Variants in POC1B observed in about 807,000 individuals in gnomAD.
POC1B encodes POC1 centriolar protein B.
In POC1B, 44 loss-of-function variants were observed where a neutral mutation model predicts 60.6. The observed-to-expected ratio is 0.73, with a 90% CI of 0.57 to 0.93. POC1B has a LOEUF of 0.93. Among genes scored for constraint, POC1B ranks in the 40% least tolerant of loss-of-function variants. POC1B has a pLI of 0.00. For synonymous variants in POC1B, 180 were observed against 198.9 expected, an observed-to-expected ratio of 0.90 and a Z score of 0.80; for missense variants, 555 against 572.3, an observed-to-expected ratio of 0.97 and a Z score of 0.31.
chr12:89,500,587 A>C (rs1206296359), intron 2 of POC1B: 1 of 1,603,900 alleles, frequency 6.2e-7, no homozygotes, highest in Non-Finnish European at 8.5e-7. Flanking sequence ...TTTTGGATGC[A>C]AAAACATCTG....
downstream of POC1B, among the ~76,000 whole-genome samples, chr12:89,417,796 C>T (rs1287938804): frequency 6.6e-6 from 1 of 152,176 alleles, no homozygotes; most frequent in Non-Finnish European, 1.5e-5. Flanking sequence ...TTTCCCCTAT[C>T]ACAGATATCC....
chr12:89,457,425 T>G (rs1046574274), intron 10 of POC1B, among the ~76,000 whole-genome samples: 1 of 152,254 alleles, frequency 6.6e-6, no homozygotes, highest in Non-Finnish European at 1.5e-5. Flanking sequence ...TTTGGAGATA[T>G]TCTTTTAAAA....
the POC1B span, among the ~76,000 whole-genome samples, chr12:89,404,003 A>G: frequency 6.6e-6 from 1 of 152,072 alleles, no homozygotes; most frequent in African/African-American, 2.4e-5. Context: ...GTGGTGGCGC[A>G]TGCCTGTAAT....
chr12:89,520,925 C>G (rs946847195), intron 2 of POC1B: 1 of 151,994 alleles, frequency 6.6e-6, no homozygotes, highest in Non-Finnish European at 1.5e-5. Flanking sequence ...GTTTACTTCC[C>G]GAGTAATTTA....
At chr12:89,451,348 A>G (rs145088451) in intron 10 of POC1B, among the ~76,000 whole-genome samples, 301 of 152,364 alleles carry the variant, frequency 2.0e-3, no homozygotes, top group Non-Finnish European at 3.4e-3. Context: ...TGTAGTGGCC[A>G]TCATGATCCT....
At chr12:89,525,524 G>C in intron 1 of POC1B, 1 of 1,307,970 alleles carries the variant, frequency 7.6e-7, no homozygotes, top group East Asian at 3.1e-5. Context: ...AGGCAGGCAG[G>C]TGCGAGGATG....
chr12:89,483,016 C>A (rs1327813026), intron 4 of POC1B, among the ~76,000 whole-genome samples: 3 of 151,654 alleles, frequency 2.0e-5, no homozygotes, highest in Non-Finnish European at 4.4e-5. Context: ...CAGGTTCAAG[C>A]AATTCTCCTG....
chr12:89,426,419 C>G (rs1592576655), intron 10 of POC1B: 1 of 151,930 alleles, frequency 6.6e-6, no homozygotes. Flanking sequence ...TATGTTACCA[C>G]AAGAGAAAAA....
At chr12:89,414,839 T>G (rs1227058788), downstream of POC1B, among the ~76,000 whole-genome samples, 8 of 152,210 alleles carry the variant, frequency 5.3e-5, no homozygotes, top group African/African-American at 1.9e-4. Context: ...ATGCATAGAA[T>G]TCATGGGACT....
intron 4 of POC1B, among the ~76,000 whole-genome samples, chr12:89,489,755 C>G (rs1565746812): frequency 6.6e-6 from 1 of 152,204 alleles, no homozygotes; most frequent in Non-Finnish European, 1.5e-5. Flanking sequence ...CTGCTGACCA[C>G]CTCTGTGCCA....
chr12:89,502,570 T>C, intron 2 of POC1B: 2 of 1,187,832 alleles, frequency 1.7e-6, no homozygotes, highest in Non-Finnish European at 2.5e-6. Context: ...CTCTTGGAGA[T>C]CCTTTGCAGC....
At chr12:89,409,044 C>T in the POC1B span, among the ~76,000 whole-genome samples, 1 of 152,134 alleles carries the variant, frequency 6.6e-6, no homozygotes, top group African/African-American at 2.4e-5. Flanking sequence ...GGGTAGATTG[C>T]AAAAACTTTC....
downstream of POC1B, among the ~76,000 whole-genome samples, chr12:89,414,878 A>T (rs1307318476): frequency 6.6e-6 from 1 of 152,208 alleles, no homozygotes; most frequent in Non-Finnish European, 1.5e-5. Flanking sequence ...TCTACATATA[A>T]ATGAAATGTT....
chr12:89,451,454 G>A (rs1882036597), intron 10 of POC1B, among the ~76,000 whole-genome samples: 1 of 152,138 alleles, frequency 6.6e-6, no homozygotes. Context: ...GTCAATTGAA[G>A]TCAATTTGAC....
intron 2 of POC1B, among the ~76,000 whole-genome samples, chr12:89,499,343 CT>C (rs1186802242): frequency 6.6e-6 from 1 of 152,070 alleles, no homozygotes; most frequent in Non-Finnish European, 1.5e-5. Context: ...CCACTGGGGA[CT>C]ACTAGAAGAG....
At chr12:89,466,998 A>C in intron 8 of POC1B, 76 bp from the exon 9 acceptor site, 2 of 1,240,614 alleles carry the variant, frequency 1.6e-6, no homozygotes, top group Non-Finnish European at 2.2e-6. Flanking sequence ...AAAACCCACA[A>C]TATACAGAAT....
chr12:89,521,986 A>C, intron 2 of POC1B: 1 of 399,028 alleles, frequency 2.5e-6, no homozygotes, highest in Non-Finnish European at 4.4e-6. Context: ...AAAGGGAGGC[A>C]TAGTATTCTG....
rs763453938 is a variant in POC1B, at chr12:89,425,332, G to C, written c.1161C>G (p.Ala387=). 1 of 1,613,936 alleles carries C rather than the reference G, an allele frequency of 6.2e-7. No homozygotes were observed. Among genetic ancestry groups the C allele is most frequent in the Non-Finnish European group, 8.5e-7 (1 of 1,180,004 alleles). The change falls in exon 11 of 12, where the codon GCC becomes GCG. Residue 387 remains alanine (A), a synonymous_variant. Transcript: ENST00000313546. ...AGGAAGGGTTCAAGAAATATCCACA[G>C]GCCTCTTCACCCTTGTCTGGCAGAG... ...GRTLPDKGEE[A]CGYFLNPSLM...
intron 2 of POC1B, chr12:89,500,734 T>C: frequency 8.1e-7 from 1 of 1,234,362 alleles, no homozygotes; most frequent in Admixed American, 2.1e-5. Flanking sequence ...ATAAAGTTAT[T>C]TTAAAGAAAA....
Sources: gnomAD v4.1 joint callset for allele counts (sites outside exome capture counted in the v4.1 genomes callset) on GRCh38, gnomAD v4.1.1 for gene constraint, MANE v1.5 for transcripts, NCBI Gene and HGNC (gene_info 2026-07-23, HGNC 2026-07-21) for gene names.